Variants in TRIOBP observed in about 807,000 individuals in gnomAD.
TRIOBP encodes TRIO and F-actin-binding protein.
A neutral mutation model predicts 238.8 loss-of-function variants in TRIOBP; 169 were observed. The observed-to-expected ratio is 0.71, with a 90% CI of 0.62 to 0.80. The LOEUF (loss-of-function observed/expected upper bound fraction) is 0.80, where lower values mean the gene tolerates loss of function less well. TRIOBP is among the 30% of genes least tolerant of loss of function. TRIOBP has a pLI of 0.00. For missense variants in TRIOBP, 2,838 were observed against 3,122.6 expected (o/e 0.91, Z 2.17); for synonymous variants, 1,150 against 1,274.4 (o/e 0.90, Z 2.08).
chr22:37,769,810 C>A (rs1163280902), intron 21 of TRIOBP, among the ~76,000 whole-genome samples: 2 of 151,966 alleles, frequency 1.3e-5, no homozygotes, highest in African/African-American at 4.8e-5. Context: ...TTCACTGCAA[C>A]CTCTGCCTCC....
rs562509808 is a variant in TRIOBP, at chr22:37,716,002, G to T, written c.628+68G>T. On this transcript the variant is annotated intron_variant, in intron 6 of 23. Coordinates refer to ENST00000644935, the MANE Select transcript of TRIOBP (RefSeq NM_001039141.3). ...GGCCCCCCAGATAGCCATCTCACTG[G>T]CCATTTGGGACTCTGGGCACGGCTT... 1.2e-5 allele frequency: 19 copies of T among 1,577,094 alleles called. No homozygotes were observed. The African/African-American group carries it at 2.2e-4, about 18-fold the overall frequency.
At chr22:37,745,324 A>T (rs1925166733) in intron 11 of TRIOBP, among the ~76,000 whole-genome samples, 1 of 152,156 alleles carries the variant, frequency 6.6e-6, no homozygotes. Flanking sequence ...CAGCAACCTC[A>T]TGAGGTAACA....
intron 12 of TRIOBP, among the ~76,000 whole-genome samples, chr22:37,752,463 G>A (rs1003313373): frequency 2.6e-5 from 4 of 152,182 alleles, no homozygotes; most frequent in African/African-American, 9.7e-5. Flanking sequence ...CCTCAGCTCT[G>A]TTCTTTCGGC....
At position 37,759,272 on chromosome 22, in the gene TRIOBP, C is replaced by G. The variant is rs201910230; in HGVS notation, c.6324+8C>G. 4.3e-6 allele frequency: 7 copies of G among 1,611,248 alleles called. No individual in the cohort carries two copies. The highest frequency in any genetic ancestry group is 5.9e-6 in the Non-Finnish European group (7 of 1,178,266). On this transcript the variant is annotated splice_region_variant and intron_variant, in intron 17 of 23. Transcript: ENST00000644935. The stretch of plus-strand genomic sequence containing the variant: ...CCGGGCTACATCTCACAGGTAAGGC[C>G]GGGGGGCTGTTTTTCAGGGGGAGGG...
chr22:37,766,445 G>A (rs965580418), intron 18 of TRIOBP, among the ~76,000 whole-genome samples: 1 of 152,272 alleles, frequency 6.6e-6, no homozygotes, highest in African/African-American at 2.4e-5. Flanking sequence ...AAGTGCTCAT[G>A]CACTCGAACC....
rs767529592 is a variant in TRIOBP at position 37,740,893 on chromosome 22, A to G, written c.5185-2A>G. ...GGGCCAACACTGGACCCTGTTTGACAGGCAGACAAGAGGCCAGCAGAGGGC... is the reference window on the plus strand; with the variant it reads ...GGGCCAACACTGGACCCTGTTTGACGGGCAGACAAGAGGCCAGCAGAGGGC... On this transcript the variant is annotated splice_acceptor_variant, in intron 10 of 23. Transcript: ENST00000644935. LOFTEE classifies it high-confidence loss of function. The G allele has an allele frequency of 9.5e-6, 15 of 1,571,304 alleles. No homozygotes were observed. In the East Asian group the frequency reaches 3.2e-4, roughly 34 times the overall value.
chr22:37,714,033 A>G lies in TRIOBP; in HGVS notation c.456+622A>G, dbSNP rs569833374. On this transcript the variant is annotated intron_variant, in intron 5 of 23. Coordinates refer to ENST00000644935, the MANE Select transcript of TRIOBP (RefSeq NM_001039141.3). ...CCTCACACGCTTCATGGCCAGCTCC[A>G]TGCTAAGGGCTTGGTGGGTGTGGGC... is the stretch of plus-strand genomic sequence containing the variant. Among the ~76,000 whole-genome samples, 5 of 152,294 alleles carry G rather than the reference A, an allele frequency of 3.3e-5. No individual in the cohort carries two copies. In the East Asian group the frequency reaches 9.7e-4, roughly 29 times the overall value.
chr22:37,705,780 C>T (rs112061899), intron 3 of TRIOBP, among the ~76,000 whole-genome samples: 2,325 of 152,082 alleles, frequency 0.015, 60 homozygotes, highest in African/African-American at 0.053. Context: ...TTCACCATGC[C>T]GCTCAGGCTG....
intron 11 of TRIOBP, among the ~76,000 whole-genome samples, chr22:37,743,840 T>TGTGC: frequency 8.2e-6 from 1 of 121,514 alleles, no homozygotes; most frequent in African/African-American, 3.6e-5. Flanking sequence ...TGTGTGTGTG[T>TGTGC]GTGTGCTGGG....
At position 37,755,228 on chromosome 22, in the gene TRIOBP, G is replaced by A. The variant is rs543592830; in HGVS notation, c.5577+38G>A. 36 of 1,590,962 alleles carry A rather than the reference G, an allele frequency of 2.3e-5. No individual in the cohort carries two copies. In the East Asian group the frequency reaches 8.1e-4, roughly 36 times the overall value. On this transcript the variant is annotated intron_variant, in intron 14 of 23. Coordinates refer to ENST00000644935, the MANE Select transcript of TRIOBP (RefSeq NM_001039141.3). The stretch of plus-strand genomic sequence containing the variant: ...GCAGCTTGGGGGCTGGTGGTGGGCA[G>A]CATGGCTGGAGGTCCCTGGGGGAGG...
intron 21 of TRIOBP, among the ~76,000 whole-genome samples, chr22:37,770,219 A>T (rs1926698470): frequency 6.8e-6 from 1 of 147,488 alleles, no homozygotes. Flanking sequence ...CGGGCAGATC[A>T]CGAGGTAGGA....
chr22:37,726,558 GA>G (rs1924178856), intron 7 of TRIOBP, 55 bp downstream of exon 7: 8 of 1,417,972 alleles, frequency 5.6e-6, no homozygotes, highest in Non-Finnish European at 7.4e-6. Context: ...TCGGCAGCAG[GA>G]CAGGTGAAGG....
chr22:37,700,682 G>C (rs533711853), intron 2 of TRIOBP, among the ~76,000 whole-genome samples: 1 of 151,888 alleles, frequency 6.6e-6, no homozygotes, highest in African/African-American at 2.4e-5. Flanking sequence ...GGCCCAGCTG[G>C]AATCTGCATT....
intron 11 of TRIOBP, 32 bp from the exon 12 acceptor site, chr22:37,751,740 C>T: frequency 6.2e-7 from 1 of 1,613,690 alleles, no homozygotes; most frequent in Non-Finnish European, 8.5e-7. Context: ...TCCTGCTGGA[C>T]CCAACTCACC....
At chr22:37,745,053 C>T (rs548522978) in intron 11 of TRIOBP, among the ~76,000 whole-genome samples, 3 of 152,064 alleles carry the variant, frequency 2.0e-5, no homozygotes, top group South Asian at 4.2e-4. Context: ...TTAGTAGAGA[C>T]GGGGTTTCAC....
At chr22:37,714,349 CA>C (rs1280977506) in intron 5 of TRIOBP, among the ~76,000 whole-genome samples, 1 of 152,180 alleles carries the variant, frequency 6.6e-6, no homozygotes, top group Non-Finnish European at 1.5e-5. Flanking sequence ...CAGTGCCAGG[CA>C]AACAGCACAT....
At position 37,756,326 on chromosome 22, in the gene TRIOBP, T is replaced by C. The variant is rs1601657774; in HGVS notation, c.5687+667T>C. Among the ~76,000 whole-genome samples, 5 of 152,152 alleles carry C rather than the reference T, an allele frequency of 3.3e-5. No homozygotes were observed. In the South Asian group the frequency reaches 1.0e-3, roughly 32 times the overall value. ...AAATTTAAAAATCAGCTGGCCGTGGTAGGGTGCGCCTGTCAGCTGAGGTGG... is the reference window on the plus strand; with the variant it reads ...AAATTTAAAAATCAGCTGGCCGTGGCAGGGTGCGCCTGTCAGCTGAGGTGG... On this transcript the variant is annotated intron_variant, in intron 15 of 23. Transcript: ENST00000644935.
chr22:37,743,763 C>A (rs1925054009), intron 11 of TRIOBP, among the ~76,000 whole-genome samples: 2 of 147,654 alleles, frequency 1.4e-5, no homozygotes, highest in African/African-American at 5.0e-5. Flanking sequence ...TCCAGGCCAA[C>A]AAGCATTGGG....
chr22:37,709,433 C>T (rs1477686271), intron 3 of TRIOBP, among the ~76,000 whole-genome samples: 1 of 152,244 alleles, frequency 6.6e-6, no homozygotes, highest in African/African-American at 2.4e-5. Context: ...GAAGCCGGCC[C>T]CTCTAAGGTT....
Sources: allele counts gnomAD v4.1 joint callset (sites outside exome capture counted in the v4.1 genomes callset), GRCh38; gene constraint gnomAD v4.1.1; transcripts MANE v1.5; gene names NCBI Gene and HGNC (gene_info 2026-07-23, HGNC 2026-07-21).